CTNND2: variants seen among roughly 807,000 people sequenced by gnomAD.
The protein encoded by CTNND2 is catenin delta 2.
Under a neutral mutation model 144.4 loss-of-function variants are expected in CTNND2, and 22 were observed. The ratio of observed to expected loss-of-function variants is 0.15; its 90% CI spans 0.11 to 0.22. The LOEUF (loss-of-function observed/expected upper bound fraction) is 0.22. CTNND2 is among the 10% of genes least tolerant of loss of function. The pLI is 1.00. For missense variants in CTNND2, 1,353 were observed against 1,618.8 expected, an observed-to-expected ratio of 0.84 and a Z score of 2.82; for synonymous variants, 751 against 695.6, an observed-to-expected ratio of 1.08 and a Z score of -1.25.
At chr5:11,262,145 C>A (rs1580737990) in intron 9 of CTNND2, among the ~76,000 whole-genome samples, 2 of 152,236 alleles carry the variant, frequency 1.3e-5, no homozygotes, top group African/African-American at 4.8e-5. Context: ...TAAGATCTGA[C>A]CTTCCCAGAA....
At chr5:11,572,001 G>C (rs562628866) in intron 2 of CTNND2, among the ~76,000 whole-genome samples, 2 of 152,188 alleles carry the variant, frequency 1.3e-5, no homozygotes, top group Admixed American at 6.5e-5. Context: ...TATGTTTAGG[G>C]GGTTATAACC....
chr5:11,659,523 T>C (rs868763748), intron 2 of CTNND2, among the ~76,000 whole-genome samples: 2 of 152,130 alleles, frequency 1.3e-5, no homozygotes, highest in African/African-American at 2.4e-5. Context: ...AGCATGCACA[T>C]TGATGCAAGG....
chr5:11,369,381 G>A (rs1757258554), intron 7 of CTNND2, among the ~76,000 whole-genome samples: 4 of 152,214 alleles, frequency 2.6e-5, no homozygotes, highest in Non-Finnish European at 5.9e-5. Context: ...TTACAAGGCT[G>A]AAAAGGGCTA....
At chr5:11,713,618 T>C (rs1438192905) in intron 2 of CTNND2, among the ~76,000 whole-genome samples, 1 of 147,878 alleles carries the variant, frequency 6.8e-6, no homozygotes, top group Non-Finnish European at 1.5e-5. Flanking sequence ...ACCATATATA[T>C]ACATATATAT....
intron 1 of CTNND2, among the ~76,000 whole-genome samples, chr5:11,747,058 T>G (rs1271310639): frequency 1.3e-5 from 2 of 152,180 alleles, no homozygotes; most frequent in East Asian, 3.8e-4. Flanking sequence ...AATGGAAATA[T>G]GTCTAGATAA....
At chr5:11,821,641 T>C (rs1306764065) in intron 1 of CTNND2, among the ~76,000 whole-genome samples, 1 of 152,210 alleles carries the variant, frequency 6.6e-6, no homozygotes, top group Non-Finnish European at 1.5e-5. Context: ...GTCTTCTTTA[T>C]AGGAAAACTT....
In CTNND2 at chr5:11,746,147, C is replaced by T. The variant is rs143675971; in HGVS notation, c.38-13875G>A. Among the ~76,000 whole-genome samples, 660 of 152,282 alleles carry T rather than the reference C, an allele frequency of 4.3e-3. 2 individuals are homozygous for T. Among genetic ancestry groups the T allele is most frequent in the African/African-American group, 0.015 (635 of 41,566 alleles). ...GCCTCTCCTCTCACACCTTACACTA[C>T]ACACACCAAGCCTCTTGCCACTCCC... is the stretch of plus-strand genomic sequence containing the variant. On this transcript the variant is annotated intron_variant, in intron 1 of 21. Transcript: ENST00000304623.
Position 10,992,653 on chromosome 5 carries a change from C to T in CTNND2, c.3109G>A (p.Val1037Ile), listed in dbSNP as rs1192833338. Residue 1037 changes from valine to isoleucine, a missense_variant, in exon 19 of 22, where the codon GTA (valine) becomes ATA (isoleucine). By Grantham distance (29) the Val-to-Ile change is conservative. Around this residue, in one of 4 missense-constraint regions of CTNND2, gnomAD observed 459 missense variants for 674.3 expected, o/e 0.68. Transcript: ENST00000304623. The stretch of plus-strand genomic sequence containing the variant: ...CTCTCGATGGTTGAAGACGAGGCTA[C>T]AAAGTGGTATTGTGACCATCCATCC... ...KKDGWSQYHF[V>I]ASSSTIERDR... 1 of 1,614,018 alleles carries T rather than the reference C, an allele frequency of 6.2e-7. No individual in the cohort carries two copies. The highest frequency in any genetic ancestry group is 1.3e-5 in the African/African-American group (1 of 74,928).
chr5:11,160,014 A>T (rs1479680480), intron 11 of CTNND2, among the ~76,000 whole-genome samples: 2 of 152,210 alleles, frequency 1.3e-5, no homozygotes, highest in African/African-American at 4.8e-5. Flanking sequence ...CAAGGTTGCG[A>T]GGTCTGATTG....
chr5:11,786,055 C>T (rs1217487188), intron 1 of CTNND2, among the ~76,000 whole-genome samples: 1 of 152,220 alleles, frequency 6.6e-6, no homozygotes, highest in African/African-American at 2.4e-5. Context: ...ACATGGCTCA[C>T]CTCACCCTAT....
intron 1 of CTNND2, among the ~76,000 whole-genome samples, chr5:11,867,741 T>C (rs1025390231): frequency 2.0e-5 from 3 of 152,086 alleles, no homozygotes; most frequent in African/African-American, 4.8e-5. Context: ...AAATCAGTGA[T>C]AAAGCTGTGA....
intron 1 of CTNND2, among the ~76,000 whole-genome samples, chr5:11,763,553 A>C (rs1007246091): frequency 3.3e-5 from 5 of 152,228 alleles, no homozygotes; most frequent in African/African-American, 4.8e-5. Context: ...ACTTAGCTTT[A>C]ATTGTCCTCC....
intron 16 of CTNND2, among the ~76,000 whole-genome samples, chr5:11,039,677 G>T (rs1744479336): frequency 6.6e-6 from 1 of 152,152 alleles, no homozygotes; most frequent in African/African-American, 2.4e-5. Flanking sequence ...GGAGCCAGGG[G>T]ATCAAATAGT....
At chr5:11,511,720 T>TC (rs1210308193) in intron 3 of CTNND2, among the ~76,000 whole-genome samples, 3 of 152,150 alleles carry the variant, frequency 2.0e-5, no homozygotes, top group Non-Finnish European at 4.4e-5. Flanking sequence ...GAAGAAATCC[T>TC]CCCCCATTGT....
intron 11 of CTNND2, among the ~76,000 whole-genome samples, chr5:11,174,464 T>G (rs1405118327): frequency 6.6e-6 from 1 of 152,208 alleles, no homozygotes; most frequent in Non-Finnish European, 1.5e-5. Context: ...TTGGGATGGT[T>G]TGCTACTCTT....
In CTNND2 at chr5:11,419,059, GAT is replaced by G. The variant is rs567466512; in HGVS notation, c.288-6992_288-6991del. Among the ~76,000 whole-genome samples, 49 of 120,928 alleles carry G rather than the reference GAT, an allele frequency of 4.1e-4. 1 individual carries two copies. Among genetic ancestry groups the G allele is most frequent in the African/African-American group, 1.7e-3 (41 of 23,856 alleles). 79.3% of individuals were successfully genotyped at this position (120,928 alleles called of 152,430 possible). ...AGATATATAGATAGACATCTATATA[GAT>G]ATATATATAGAGAGAGAGAGAATAA... On this transcript the variant is annotated intron_variant, in intron 3 of 21. Coordinates refer to ENST00000304623, the MANE Select transcript of CTNND2 (RefSeq NM_001332.4).
Position 11,117,613 on chromosome 5 carries a change from A to C in CTNND2, c.2160-46T>G, listed in dbSNP as rs757442075. 3 of 1,481,528 alleles carry C rather than the reference A, an allele frequency of 2.0e-6. No individual in the cohort carries two copies. The African/African-American group carries it at 4.1e-5, about 20-fold the overall frequency. The allele number at this position is 1,481,528 out of a possible 1,614,324, so 91.8% of individuals were successfully genotyped here. ...TCAGCGATCTTCACGGTTGTCACCA[A>C]AAGAATGTCTTTCCATGCCCAGCTG... On this transcript the variant is annotated intron_variant, in intron 12 of 21. Coordinates refer to ENST00000304623, the MANE Select transcript of CTNND2 (RefSeq NM_001332.4).
At chr5:11,220,839 C>T (rs998662415) in intron 10 of CTNND2, among the ~76,000 whole-genome samples, 2 of 152,188 alleles carry the variant, frequency 1.3e-5, no homozygotes, top group African/African-American at 2.4e-5. Flanking sequence ...AGGGGACATA[C>T]ATTTCAATTG....
intron 9 of CTNND2, among the ~76,000 whole-genome samples, chr5:11,344,160 T>A (rs1754528414): frequency 6.6e-6 from 1 of 151,656 alleles, no homozygotes. Flanking sequence ...ATCCCAGCAC[T>A]TTGGGAGGCC....
Sources: gnomAD v4.1 joint callset for allele counts (sites outside exome capture counted in the v4.1 genomes callset) on GRCh38, gnomAD v4.1.1 for gene constraint, gnomAD v4.1.1 regional missense constraint, MANE v1.5 for transcripts, NCBI Gene and HGNC (gene_info 2026-07-23, HGNC 2026-07-21) for gene names.